Variants in CNTN5 observed in about 807,000 individuals in gnomAD.
CNTN5 encodes the protein contactin-5.
A neutral mutation model predicts 129.1 loss-of-function variants in CNTN5; 77 were observed. The ratio of observed to expected loss-of-function variants is 0.60; its 90% CI spans 0.50 to 0.72. The LOEUF (loss-of-function observed/expected upper bound fraction) is 0.72, where lower values mean the gene tolerates loss of function less well. CNTN5 is among the 30% of genes least tolerant of loss of function. CNTN5 has a pLI of 0.00. For synonymous variants in CNTN5, 509 were observed against 465.6 expected, an observed-to-expected ratio of 1.09 and a Z score of -1.20; for missense variants, 1,478 against 1,328.8, an observed-to-expected ratio of 1.11 and a Z score of -1.75.
chr11:99,680,619 G>A (rs149757485), intron 3 of CNTN5, among the ~76,000 whole-genome samples: 2,485 of 152,134 alleles, frequency 0.016, 28 homozygotes, highest in Non-Finnish European at 0.022. Flanking sequence ...GATGCACAAG[G>A]TGATGAATTC....
At chr11:99,627,301 A>G (rs1036679658) in intron 3 of CNTN5, among the ~76,000 whole-genome samples, 2 of 152,154 alleles carry the variant, frequency 1.3e-5, no homozygotes, top group African/African-American at 4.8e-5. Context: ...TCCAAACTGA[A>G]CTACCTAAAG....
At chr11:99,655,184 C>T (rs1198799995) in intron 3 of CNTN5, among the ~76,000 whole-genome samples, 5 of 151,996 alleles carry the variant, frequency 3.3e-5, no homozygotes, top group Non-Finnish European at 5.9e-5. Flanking sequence ...ATTCTAATGT[C>T]AGAGGTCCTG....
chr11:100,294,621 T>G lies in CNTN5; in HGVS notation c.2315-3004T>G, dbSNP rs559432774. Among the ~76,000 whole-genome samples, 467 of 151,836 alleles carry G rather than the reference T, an allele frequency of 3.1e-3. 3 individuals carry two copies. The highest frequency in any genetic ancestry group is 4.8e-3 in the Non-Finnish European group (324 of 67,720). On this transcript the variant is annotated intron_variant, in intron 18 of 24. Coordinates refer to ENST00000524871, the MANE Select transcript of CNTN5 (RefSeq NM_014361.4). ...GAAGAAGAGTCTAGCTGCTTAATCC[T>G]GGATTCAAATTTTATTAATTATATT... is the stretch of plus-strand genomic sequence containing the variant.
At chr11:99,387,725 A>G (rs190300850) in intron 2 of CNTN5, among the ~76,000 whole-genome samples, 14 of 151,962 alleles carry the variant, frequency 9.2e-5, no homozygotes, top group African/African-American at 3.1e-4. Context: ...TCCATCTTCC[A>G]CCCTTCCTGC....
intron 3 of CNTN5, among the ~76,000 whole-genome samples, chr11:99,694,628 T>G (rs112367757): frequency 1.3e-5 from 2 of 152,114 alleles, no homozygotes; most frequent in African/African-American, 4.8e-5. Flanking sequence ...TATCAACCTG[T>G]CATCTACATT....
intron 9 of CNTN5, among the ~76,000 whole-genome samples, chr11:100,057,782 G>C (rs544320394): frequency 6.6e-6 from 1 of 151,990 alleles, no homozygotes; most frequent in African/African-American, 2.4e-5. Flanking sequence ...TTCTGTGGGG[G>C]AAAATACAGA....
At chr11:99,701,661 A>G (rs1954525170) in intron 3 of CNTN5, among the ~76,000 whole-genome samples, 1 of 151,158 alleles carries the variant, frequency 6.6e-6, no homozygotes, top group Non-Finnish European at 1.5e-5. Context: ...TCTCCAATAG[A>G]AATAAATAGA....
chr11:100,019,018 G>C (rs543141192), intron 9 of CNTN5, among the ~76,000 whole-genome samples: 7 of 151,766 alleles, frequency 4.6e-5, no homozygotes, highest in Non-Finnish European at 1.0e-4. Flanking sequence ...TAAATTTTGC[G>C]TGAGAGTTGT....
intron 8 of CNTN5, among the ~76,000 whole-genome samples, chr11:99,997,225 G>C (rs899890970): frequency 4.6e-5 from 7 of 151,782 alleles, no homozygotes. Context: ...GGTTTTTTTG[G>C]TCTCTATTTC....
At chr11:99,734,317 T>C (rs142241528) in intron 3 of CNTN5, among the ~76,000 whole-genome samples, 75 of 152,322 alleles carry the variant, frequency 4.9e-4, no homozygotes, top group African/African-American at 1.7e-3. Context: ...GGCTGTCAAA[T>C]ACTAGATCTT....
intron 2 of CNTN5, among the ~76,000 whole-genome samples, chr11:99,465,699 G>C (rs949839250): frequency 6.6e-6 from 1 of 151,756 alleles, no homozygotes; most frequent in African/African-American, 2.4e-5. Context: ...CCTGAGATGG[G>C]GTAATTTATA....
At chr11:99,682,483 T>C (rs921706756) in intron 3 of CNTN5, among the ~76,000 whole-genome samples, 1 of 151,852 alleles carries the variant, frequency 6.6e-6, no homozygotes, top group South Asian at 2.1e-4. Context: ...AAATAATCCA[T>C]AGAACAAACT....
rs867253622 is a variant in CNTN5 at position 100,274,957 on chromosome 11, C to G, written c.2314+3716C>G. 8.7e-4 allele frequency among the ~76,000 whole-genome samples: 132 copies of G among 152,268 alleles called. 1 individual carries two copies. Among genetic ancestry groups the G allele is most frequent in the African/African-American group, 3.2e-3 (131 of 41,562 alleles). ...ACAAACCCCCATGTCACAAGTTTAC[C>G]TATGTAACAAACCTGCACATGTACC... On this transcript the variant is annotated intron_variant, in intron 18 of 24. Transcript: ENST00000524871.
intron 2 of CNTN5, among the ~76,000 whole-genome samples, chr11:99,499,572 G>A (rs981393049): frequency 1.3e-5 from 2 of 152,042 alleles, no homozygotes; most frequent in African/African-American, 4.8e-5. Context: ...CCCAGTCTCA[G>A]GTATCTGTAT....
intron 2 of CNTN5, among the ~76,000 whole-genome samples, chr11:99,515,954 A>G (rs903647131): frequency 2.2e-4 from 33 of 150,158 alleles, no homozygotes; most frequent in African/African-American, 7.6e-4. Flanking sequence ...TTTATGAAAA[A>G]AAAAAAACAA....
chr11:99,022,282 A>G (rs1862908302), intron 1 of CNTN5, among the ~76,000 whole-genome samples: 1 of 152,206 alleles, frequency 6.6e-6, no homozygotes. Context: ...ATAGACAAAT[A>G]GTCAAATTTA....
intron 4 of CNTN5, among the ~76,000 whole-genome samples, chr11:99,840,227 C>T (rs1026953383): frequency 1.3e-5 from 2 of 152,068 alleles, no homozygotes; most frequent in African/African-American, 4.8e-5. Context: ...TAATTTGATA[C>T]CTGCCAAGTT....
chr11:99,319,105 A>G (rs1048993758), intron 1 of CNTN5, among the ~76,000 whole-genome samples: 3 of 152,138 alleles, frequency 2.0e-5, no homozygotes, highest in Non-Finnish European at 4.4e-5. Flanking sequence ...AAAACAAAAC[A>G]AAAAACTATC....
At chr11:99,184,117 TC>T (rs1858222302) in intron 1 of CNTN5, among the ~76,000 whole-genome samples, 1 of 152,130 alleles carries the variant, frequency 6.6e-6, no homozygotes, top group South Asian at 2.1e-4. Context: ...TTTTTTAACT[TC>T]TAATTCATTC....
Sources: gnomAD v4.1 joint callset for allele counts (sites outside exome capture counted in the v4.1 genomes callset) on GRCh38, gnomAD v4.1.1 for gene constraint, MANE v1.5 for transcripts, NCBI Gene and HGNC (gene_info 2026-07-23, HGNC 2026-07-21) for gene names.